ECM1: variants seen among roughly 807,000 people sequenced by gnomAD.
The protein encoded by ECM1 is secretory component p85.
In ECM1, 54 loss-of-function variants were observed where a neutral mutation model predicts 57.9. The ratio of observed to expected loss-of-function variants is 0.93; its 90% CI spans 0.75 to 1.17. ECM1 has a LOEUF of 1.17. ECM1 is among the 50% of genes most tolerant of loss of function. The pLI is 0.00. For synonymous variants in ECM1, 237 were observed against 259.1 expected (o/e 0.91, Z 0.82); for missense variants, 649 against 688.1 (o/e 0.94, Z 0.64).
Position 150,511,562 on chromosome 1 carries a change from G to A in ECM1, c.814G>A (p.Glu272Lys), listed in dbSNP as rs757974844. The change falls in exon 7 of 10, where the codon GAG (glutamate) becomes AAG (lysine). Residue 272 changes from glutamate (E) to lysine (K), a missense_variant. By Grantham distance (56) the Glu-to-Lys change is moderately conservative. Coordinates refer to ENST00000369047, the MANE Select transcript of ECM1 (RefSeq NM_004425.4). ...GGAGGCTCGGTTCTCCTGCTTCCAG[G>A]AGGAAGCTCCCCAGCCACACTACCA... ...QGEARFSCFQ[E>K]EAPQPHYQLR... The A allele has an allele frequency of 1.2e-6, 2 of 1,614,014 alleles. No individual in the cohort carries two copies. The highest frequency in any genetic ancestry group is 2.7e-5 in the African/African-American group (2 of 74,898).
chr1:150,508,202 G>T lies in ECM1; in HGVS notation c.-8G>T. On this transcript the variant is annotated 5_prime_UTR_variant, in exon 1 of 10. Coordinates refer to ENST00000369047, the MANE Select transcript of ECM1 (RefSeq NM_004425.4). ...ACCTCTGAGTGTCCAGTGGTCAGTT[G>T]CCCCAGGATGGGGACCACAGCCAGA... 1 of 1,614,050 alleles carries T rather than the reference G, an allele frequency of 6.2e-7. No homozygotes were observed. The highest frequency in any genetic ancestry group is 1.6e-4 in the Middle Eastern group (1 of 6,062).
Position 150,510,001 on chromosome 1 carries a change from A to G in ECM1, c.303A>G (p.Glu101=). ...CTGCCCAACTCCCTGCTGAAAAGGA[A>G]GGTGAGCGCTTGCCCACCCTCCCTC... ...LLPAQLPAEK[E]VGPPLPQEAV... The change falls in exon 4 of 10, where the codon GAA becomes GAG. Residue 101 remains glutamate, a splice_region_variant and synonymous_variant. Transcript: ENST00000369047. The G allele has an allele frequency of 6.2e-7, 1 of 1,614,144 alleles. No homozygotes were observed. The highest frequency in any genetic ancestry group is 8.5e-7 in the Non-Finnish European group (1 of 1,180,014).
intron 7 of ECM1, 150 bp from the exon 8 acceptor site, chr1:150,512,202 C>A: frequency 1.1e-6 from 1 of 870,396 alleles, no homozygotes; most frequent in Non-Finnish European, 1.8e-6. Context: ...TCAACAGTTG[C>A]CTCCTAACCC....
At position 150,513,624 on chromosome 1, in the gene ECM1, C is replaced by T; in HGVS notation, c.*157C>T. 1.4e-6 allele frequency: 1 copy of T among 716,476 alleles called. No individual in the cohort carries two copies. The allele number at this position is 716,476 out of a possible 1,614,324, so 44.4% of individuals were successfully genotyped here. A position where few individuals can be genotyped will look rare whatever the true frequency, so the allele number is the denominator to read the frequency against. ...TTAAGTGGATCTTGGTGCCCTGGCCCAGGAGGGCACTGGCGTTTTCAGACA... is the reference window on the plus strand; with the variant it reads ...TTAAGTGGATCTTGGTGCCCTGGCCTAGGAGGGCACTGGCGTTTTCAGACA... On this transcript the variant is annotated 3_prime_UTR_variant, in exon 10 of 10. Coordinates refer to ENST00000369047, the MANE Select transcript of ECM1 (RefSeq NM_004425.4).
chr1:150,511,923 C>A, intron 7 of ECM1, 92 bp downstream of exon 7: 2 of 1,483,500 alleles, frequency 1.3e-6, no homozygotes, highest in African/African-American at 1.4e-5. Context: ...CCATGTACCC[C>A]CCCTGCTGTG....
rs1560267428 is a variant in ECM1, at chr1:150,513,236, G to T, written c.1393-1G>T. 1 of 1,614,154 alleles carries T rather than the reference G, an allele frequency of 6.2e-7. No homozygotes were observed. Among genetic ancestry groups the T allele is most frequent in the Non-Finnish European group, 8.5e-7 (1 of 1,180,008 alleles). On this transcript the variant is annotated splice_acceptor_variant, in intron 9 of 9. Coordinates refer to ENST00000369047, the MANE Select transcript of ECM1 (RefSeq NM_004425.4). LOFTEE classifies it high-confidence loss of function. ...TCTGTTTTACTTTTCTCATTCATCA[G>T]AAATTAACCTTCATCAATGATCTGT...
Position 150,512,546 on chromosome 1 carries a change from T to C in ECM1, c.1278T>C (p.Cys426=). The stretch of plus-strand genomic sequence containing the variant: ...CCCCCAACCTCATGGGCCACCTCTG[T>C]GGAAACCAAAGAGTTCTCACCAAGC... ...RVTPNLMGHL[C]GNQRVLTKHK... is the part of the protein sequence containing the mutation. Residue 426 remains cysteine (C), a synonymous_variant, in exon 8 of 10, where the codon TGT becomes TGC. Transcript: ENST00000369047. 1 of 1,613,876 alleles carries C rather than the reference T, an allele frequency of 6.2e-7. No individual in the cohort carries two copies. The highest frequency in any genetic ancestry group is 8.5e-7 in the Non-Finnish European group (1 of 1,180,022).
rs1426519422 is a variant in ECM1, at chr1:150,511,822, A to G, written c.1074A>G (p.Thr358=). 1.1e-5 allele frequency: 17 copies of G among 1,605,344 alleles called. 1 individual carries two copies. Among genetic ancestry groups the G allele is most frequent in the Non-Finnish European group, 1.0e-5 (12 of 1,174,644 alleles). The change falls in exon 7 of 10, where the codon ACA becomes ACG. Residue 358 remains threonine (T), a synonymous_variant. Transcript: ENST00000369047. ...CCRQGNNHTC[T]WKAWEDTLDK... ...GCCAGGGGAACAATCACACCTGTAC[A>G]TGGAAGGCCGTAAGTGGGCGTCCCA... is the stretch of plus-strand genomic sequence containing the variant.
At chr1:150,511,425 G>C (rs1670436633) in intron 6 of ECM1, 32 bp from the exon 7 acceptor site, 1 of 1,614,006 alleles carries the variant, frequency 6.2e-7, no homozygotes, top group African/African-American at 1.3e-5. Flanking sequence ...CAGGAATGTG[G>C]AAAGTGGGCT....
At chr1:150,511,393 T>C in intron 6 of ECM1, 64 bp from the exon 7 acceptor site, 2 of 1,612,630 alleles carry the variant, frequency 1.2e-6, no homozygotes, top group Non-Finnish European at 1.7e-6. Context: ...CCAGTGTCCT[T>C]TCCTGGAGCC....
chr1:150,509,328 G>A, intron 1 of ECM1: 1 of 645,408 alleles, frequency 1.5e-6, no homozygotes, highest in Admixed American at 2.3e-5. Context: ...GACCGCCACA[G>A]GCTTTCTCAG....
At chr1:150,511,925 C>G (rs368594405) in intron 7 of ECM1, 94 bp downstream of exon 7, 15 of 1,084,008 alleles carry the variant, frequency 1.4e-5, no homozygotes, top group South Asian at 6.6e-5. Context: ...ATGTACCCCC[C>G]CTGCTGTGAG....
intron 1 of ECM1, 90 bp from the exon 2 acceptor site, chr1:150,509,441 A>T: frequency 7.0e-7 from 1 of 1,426,946 alleles, no homozygotes; most frequent in Non-Finnish European, 9.9e-7. Context: ...TGTCTGTCCT[A>T]CACTCTTGAT....
intron 9 of ECM1, 114 bp downstream of exon 9, chr1:150,512,926 C>A: frequency 8.3e-7 from 1 of 1,204,646 alleles, no homozygotes; most frequent in Non-Finnish European, 1.2e-6. Flanking sequence ...GTTATAATGA[C>A]TAGTGGGGGA....
In ECM1 at chr1:150,509,950, C is replaced by T. The variant is rs889914070; in HGVS notation, c.252C>T (p.Thr84=). Residue 84 remains threonine, a synonymous_variant, in exon 4 of 10, where the codon ACC becomes ACT. Transcript: ENST00000369047. ...AGCCCCCTCCCTCTCAGGAGGCCAC[C>T]CCTCTCCAACAGGAAAAGCTGCTAC... ...QVQPPPSQEA[T]PLQQEKLLPA... is the part of the protein sequence containing the mutation. 3 of 1,614,024 alleles carry T rather than the reference C, an allele frequency of 1.9e-6. No homozygotes were observed. In the African/African-American group the frequency reaches 4.0e-5, roughly 22 times the overall value.
At chr1:150,510,709 C>G (rs1411722036) in intron 5 of ECM1, 167 bp from the exon 6 acceptor site, 1 of 760,936 alleles carries the variant, frequency 1.3e-6, no homozygotes, top group South Asian at 1.6e-5. Flanking sequence ...CTTCTCTTTT[C>G]CTTTCAGTTA....
In ECM1 at chr1:150,513,703, G is replaced by GC; in HGVS notation, c.*240dup. ...CTGCTTGTATTTCCTTCAGTGCCTG[G>GC]CCCCTGAGGCCCACGGCCCTGCCCC... On this transcript the variant is annotated 3_prime_UTR_variant, in exon 10 of 10. Coordinates refer to ENST00000369047, the MANE Select transcript of ECM1 (RefSeq NM_004425.4). 2 of 491,278 alleles carry GC rather than the reference G, an allele frequency of 4.1e-6. No individual in the cohort carries two copies. Among genetic ancestry groups the GC allele is most frequent in the Non-Finnish European group, 7.4e-6 (2 of 269,646 alleles). The allele number at this position is 491,278 out of a possible 1,614,324, so 30.4% of individuals were successfully genotyped here.
Position 150,509,816 on chromosome 1 carries a change from C to T in ECM1, c.223+54C>T. 3 of 1,613,876 alleles carry T rather than the reference C, an allele frequency of 1.9e-6. No individual in the cohort carries two copies. In the South Asian group the frequency reaches 3.3e-5, roughly 18 times the overall value. ...GTGACCCTCCAGGTTTCTAATCTGGCCTATATCCCACTTTTCAGGTGGAAA... is the reference window on the plus strand; with the variant it reads ...GTGACCCTCCAGGTTTCTAATCTGGTCTATATCCCACTTTTCAGGTGGAAA... On this transcript the variant is annotated intron_variant, in intron 3 of 9. Transcript: ENST00000369047.
At chr1:150,508,347 C>T in intron 1 of ECM1, 68 bp downstream of exon 1, 2 of 1,427,208 alleles carry the variant, frequency 1.4e-6, no homozygotes, top group Non-Finnish European at 2.0e-6. Context: ...GTCCAGGCAT[C>T]CCAGACGGCT....
Sources: allele counts gnomAD v4.1 joint callset, GRCh38; gene constraint gnomAD v4.1.1; transcripts MANE v1.5; gene names NCBI Gene and HGNC (gene_info 2026-07-23, HGNC 2026-07-21).